Variants in PRRC2A observed in about 807,000 individuals in gnomAD.
The protein encoded by PRRC2A is protein PRRC2A.
Under a neutral mutation model 224.6 loss-of-function variants are expected in PRRC2A, and 59 were observed. The ratio of observed to expected loss-of-function variants is 0.26; its 90% confidence interval spans 0.21 to 0.33. The LOEUF (loss-of-function observed/expected upper bound fraction) is 0.33, where lower values mean the gene tolerates loss of function less well. PRRC2A is among the 10% of genes least tolerant of loss of function. PRRC2A has a pLI of 1.00. For synonymous variants in PRRC2A, 1,194 were observed against 1,109.5 expected, an observed-to-expected ratio of 1.08 and a Z score of -1.51; for missense variants, 3,095 against 2,880.7, an observed-to-expected ratio of 1.07 and a Z score of -1.70.
At chr6:31,626,935 T>C (rs751097975) in intron 10 of PRRC2A, 47 bp from the exon 11 acceptor site, 3 of 1,611,066 alleles carry the variant, frequency 1.9e-6, no homozygotes, top group South Asian at 1.1e-5. Context: ...CTTAGAGGAG[T>C]ATATTAGTTG....
Position 31,631,116 on chromosome 6 carries a change from A to G in PRRC2A, c.2466-23A>G. On this transcript the variant is annotated intron_variant, in intron 15 of 30. Coordinates refer to ENST00000376033, the MANE Select transcript of PRRC2A (RefSeq NM_004638.4). This position sits in a 1 kb window ranked among gnomAD's most constrained non-coding sequence, Gnocchi z 4.5. ...TGGTTTTCCTGAGATACTTATTTCC[A>G]TTCTTTCTGTCTGTCTCTTCAGGAG... 3 of 1,460,150 alleles carry G rather than the reference A, an allele frequency of 2.1e-6. No individual in the cohort carries two copies. Among genetic ancestry groups the G allele is most frequent in the African/African-American group, 1.4e-5 (1 of 70,396 alleles). 90.4% of individuals were successfully genotyped at this position (1,460,150 alleles called of 1,614,324 possible).
chr6:31,625,428 T>C lies in PRRC2A; in HGVS notation c.608-32T>C. Reference sequence around the variant, plus strand: ...CTGTGTTCACTTGTCCTCCAATCATTGATACCTCTCTCTACCTTTTCCAAA... The same window carrying C: ...CTGTGTTCACTTGTCCTCCAATCATCGATACCTCTCTCTACCTTTTCCAAA... On this transcript the variant is annotated intron_variant, in intron 6 of 30. Transcript: ENST00000376033. This position sits in a 1 kb window ranked among gnomAD's most constrained non-coding sequence, Gnocchi z 4.1. 3 of 1,609,542 alleles carry C rather than the reference T, an allele frequency of 1.9e-6. No individual in the cohort carries two copies. The highest frequency in any genetic ancestry group is 2.6e-6 in the Non-Finnish European group (3 of 1,175,950).
rs1226360280 is a variant in PRRC2A at position 31,632,578 on chromosome 6, C to T, written c.3905C>T (p.Ala1302Val). 2 of 1,612,786 alleles carry T rather than the reference C, an allele frequency of 1.2e-6. No homozygotes were observed. The highest frequency in any genetic ancestry group is 1.1e-5 in the South Asian group (1 of 91,062). ...TVTVAPAPRR[A>V]AAKSPDLSNQ... Reference sequence around the variant, plus strand: ...ACAGTGGCCCCAGCACCTCGCCGGGCAGCTGCCAAGTCTCCTGATCTGTCA... The same window carrying T: ...ACAGTGGCCCCAGCACCTCGCCGGGTAGCTGCCAAGTCTCCTGATCTGTCA... Residue 1302 changes from alanine (A) to valine (V), a missense_variant, in exon 16 of 31, where the codon GCA (alanine) becomes GTA (valine). Physicochemically the swap from Ala to Val is moderately conservative, Grantham distance 64. Coordinates refer to ENST00000376033, the MANE Select transcript of PRRC2A (RefSeq NM_004638.4).
At position 31,634,261 on chromosome 6, in the gene PRRC2A, C is replaced by G. The variant is rs779227676; in HGVS notation, c.4745C>G (p.Ser1582Cys). Residue 1582 changes from serine (S) to cysteine (C), a missense_variant, in exon 19 of 31, where the codon TCT becomes TGT. Coordinates refer to ENST00000376033, the MANE Select transcript of PRRC2A (RefSeq NM_004638.4). ...GAATCTTTGCCACCTCCTCATAGCT[C>G]TGGATTCTTGGGCTCTAAGCCTGAG... ...QEESLPPPHS[S>C]GFLGSKPEGP... 6.3e-7 allele frequency: 1 copy of G among 1,593,180 alleles called. No homozygotes were observed. Among genetic ancestry groups the G allele is most frequent in the East Asian group, 2.2e-5 (1 of 44,794 alleles).
rs1459707022 is a variant in PRRC2A at position 31,631,844 on chromosome 6, C to T, written c.3171C>T (p.Tyr1057=). 6.2e-7 allele frequency: 1 copy of T among 1,604,774 alleles called. No homozygotes were observed. The highest frequency in any genetic ancestry group is 8.5e-7 in the Non-Finnish European group (1 of 1,175,310). ...CCCGAAGCCGGGAATTCCGCAGTTA[C>T]CGAGAGTTTCGAGGAGATGATGGGC... ...RGARSREFRS[Y]REFRGDDGRG... The change falls in exon 16 of 31, where the codon TAC becomes TAT. Residue 1057 remains tyrosine, a synonymous_variant. Transcript: ENST00000376033. The surrounding 1 kb of genome is among the most constrained non-coding windows in gnomAD (Gnocchi z 4.5).
Position 31,625,934 on chromosome 6 carries a change from G to A in PRRC2A, c.839+63G>A. 1 of 1,586,936 alleles carries A rather than the reference G, an allele frequency of 6.3e-7. No homozygotes were observed. Among genetic ancestry groups the A allele is most frequent in the Admixed American group, 1.7e-5 (1 of 58,740 alleles). ...GGGAAGCTTATTGGGGGAGGAGATGGTTTTCTAGCCAGGAGGCTCAGTCTA... is the reference window on the plus strand; with the variant it reads ...GGGAAGCTTATTGGGGGAGGAGATGATTTTCTAGCCAGGAGGCTCAGTCTA... On this transcript the variant is annotated intron_variant, in intron 8 of 30. Coordinates refer to ENST00000376033, the MANE Select transcript of PRRC2A (RefSeq NM_004638.4). The surrounding 1 kb of genome is among the most constrained non-coding windows in gnomAD (Gnocchi z 4.1).
Position 31,630,701 on chromosome 6 carries a change from T to G in PRRC2A, c.2365T>G (p.Leu789Val). Residue 789 changes from leucine (L) to valine (V), a missense_variant, in exon 15 of 31, where the codon TTG becomes GTG. This residue lies in a region of PRRC2A where 2,001 missense variants were observed against 1,764.9 expected (regional missense o/e 1.13). Coordinates refer to ENST00000376033, the MANE Select transcript of PRRC2A (RefSeq NM_004638.4). Reference protein sequence around the residue: ...ERGTPPVDPKLAWVGDVFTAT... With the variant: ...ERGTPPVDPKVAWVGDVFTAT... ...GGGCACTCCACCGGTGGATCCAAAG[T>G]TGGCCTGGGTAGGAGATGTCTTCAC... 3 of 1,614,138 alleles carry G rather than the reference T, an allele frequency of 1.9e-6. No individual in the cohort carries two copies. Among genetic ancestry groups the G allele is most frequent in the Non-Finnish European group, 2.5e-6 (3 of 1,180,028 alleles).
In PRRC2A at chr6:31,633,864, C is replaced by A. The variant is rs764414151; in HGVS notation, c.4594C>A (p.His1532Asn). 6.4e-7 allele frequency: 1 copy of A among 1,567,556 alleles called. No individual in the cohort carries two copies. Among genetic ancestry groups the A allele is most frequent in the Admixed American group, 2.1e-5 (1 of 46,520 alleles). ...ACCCTTTTTCTCTTTCCCAGACCCC[C>A]ACTTTGAGGAGCCGGGGCCAATGGT... Reference protein sequence around the residue: ...RVNSGLSSDPHFEEPGPMVRG... With the variant: ...RVNSGLSSDPNFEEPGPMVRG... The change falls in exon 18 of 31, where the codon CAC becomes AAC. Residue 1532 changes from histidine to asparagine, a missense_variant. His to Asn is a moderately conservative substitution (Grantham distance 68). This residue lies in a region of PRRC2A where 2,001 missense variants were observed against 1,764.9 expected (regional missense o/e 1.13). Transcript: ENST00000376033.
intron 16 of PRRC2A, 48 bp downstream of exon 16, chr6:31,633,040 G>A: frequency 6.9e-7 from 1 of 1,457,688 alleles, no homozygotes; most frequent in Non-Finnish European, 9.0e-7. Context: ...TTGGAGGAGG[G>A]GGAAAAAGCC....
In PRRC2A at chr6:31,630,592, C is replaced by T; in HGVS notation, c.2256C>T (p.Gly752=). 1.2e-6 allele frequency: 2 copies of T among 1,614,084 alleles called. No homozygotes were observed. Among genetic ancestry groups the T allele is most frequent in the Admixed American group, 1.7e-5 (1 of 60,000 alleles). Residue 752 remains glycine, a splice_region_variant and synonymous_variant, in exon 15 of 31, where the codon GGC becomes GGT. Transcript: ENST00000376033. ...DFYPPGVHPS[G]LVPRERSDSG... is the part of the protein sequence containing the mutation. ...TTTCTTTTTCTTTGGTTTCTTCAGG[C>T]CTAGTTCCCCGAGAGCGTTCAGACA...
rs538804134 is a variant in PRRC2A at position 31,637,760 on chromosome 6, TAAA to T, written c.*183_*185del. 3.2e-6 allele frequency: 1 copy of T among 311,584 alleles called. No homozygotes were observed. Among genetic ancestry groups the T allele is most frequent in the African/African-American group, 2.2e-5 (1 of 44,706 alleles). The allele number at this position is 311,584 out of a possible 1,614,324, so 19.3% of individuals were successfully genotyped here. ...GTTAAAAAAGAGTAATAAAAGGATTTAAAAAAAAAAACTTCTACAATGATTTGG... is the reference window on the plus strand; with the variant it reads ...GTTAAAAAAGAGTAATAAAAGGATTTAAAAAAAACTTCTACAATGATTTGG... On this transcript the variant is annotated 3_prime_UTR_variant, in exon 31 of 31. Transcript: ENST00000376033.
rs1776783843 is a variant in PRRC2A at position 31,632,668 on chromosome 6, G to T, written c.3995G>T (p.Ser1332Ile). The change falls in exon 16 of 31, where the codon AGT becomes ATT. Residue 1332 changes from serine (S) to isoleucine (I), a missense_variant. This residue lies in a region of PRRC2A where 2,001 missense variants were observed against 1,764.9 expected (regional missense o/e 1.13). Coordinates refer to ENST00000376033, the MANE Select transcript of PRRC2A (RefSeq NM_004638.4). ...GCATCAGAGAGCAGTGACTTCACCA[G>T]TGAGCGCCGAGGGGACAAAGAGGCA... Reference protein sequence around the residue: ...ETASESSDFTSERRGDKEAPP... With the variant: ...ETASESSDFTIERRGDKEAPP... The T allele has an allele frequency of 1.2e-6, 2 of 1,613,128 alleles. No homozygotes were observed. Among genetic ancestry groups the T allele is most frequent in the East Asian group, 2.2e-5 (1 of 44,876 alleles).
rs1220433302 is a variant in PRRC2A, at chr6:31,635,688, C to G, written c.5480C>G (p.Ser1827Cys). 1 of 1,612,760 alleles carries G rather than the reference C, an allele frequency of 6.2e-7. No homozygotes were observed. Among genetic ancestry groups the G allele is most frequent in the Admixed American group, 1.7e-5 (1 of 60,004 alleles). ...GGGCACTGTGTCCCGGAGCCCAGCT[C>G]CTCAGGCCAGCGCCTGTATCCTGAG... ...DSGHCVPEPS[S>C]SGQRLYPEVF... The change falls in exon 24 of 31, where the codon TCC becomes TGC. Residue 1827 changes from serine to cysteine, a missense_variant. Transcript: ENST00000376033.
Position 31,626,089 on chromosome 6 carries a change from TC to T in PRRC2A, c.912del (p.Ser305LeufsTer266). ...PMRLVEPVGR[P>X]SILKEDNLKE... is the part of the protein sequence containing the mutation. ...TGCGCTTAGTAGAGCCTGTGGGTCG[TC>T]CCTCTATTCTCAAAGAGGATAATCT... On this transcript the variant is annotated frameshift_variant, in exon 9 of 31. Transcript: ENST00000376033. LOFTEE classifies it high-confidence loss of function. The T allele has an allele frequency of 6.2e-7, 1 of 1,612,856 alleles. No individual in the cohort carries two copies. Among genetic ancestry groups the T allele is most frequent in the Non-Finnish European group, 8.5e-7 (1 of 1,179,938 alleles).
At chr6:31,635,775 C>G (rs1019082777) in intron 24 of PRRC2A, 26 bp downstream of exon 24, 6 of 1,556,414 alleles carry the variant, frequency 3.9e-6, no homozygotes, top group Non-Finnish European at 5.2e-6. Flanking sequence ...CATTGCATGA[C>G]CCCTTCAGTG....
At position 31,635,374 on chromosome 6, in the gene PRRC2A, C is replaced by T. The variant is rs2150533758; in HGVS notation, c.5302-20C>T. ...CATGTCTGTCACGGGACAATGTCTC[C>T]TGCCTTCTTGTGATCACAGGACTCA... On this transcript the variant is annotated intron_variant, in intron 22 of 30. Coordinates refer to ENST00000376033, the MANE Select transcript of PRRC2A (RefSeq NM_004638.4). 1 of 1,614,206 alleles carries T rather than the reference C, an allele frequency of 6.2e-7. No individual in the cohort carries two copies. The highest frequency in any genetic ancestry group is 8.5e-7 in the Non-Finnish European group (1 of 1,180,004).
At chr6:31,634,109 A>C in intron 18 of PRRC2A, 120 bp downstream of exon 18, 1 of 1,568,488 alleles carries the variant, frequency 6.4e-7, no homozygotes, top group Non-Finnish European at 8.6e-7. Context: ...CAGAATTCTC[A>C]GTATTAGTCT....
chr6:31,623,609 T>C (rs776015612), intron 2 of PRRC2A, 123 bp from the exon 3 acceptor site: 5 of 1,131,650 alleles, frequency 4.4e-6, no homozygotes, highest in Non-Finnish European at 6.2e-6. Flanking sequence ...GAATCCCTTC[T>C]AAGAGAAGTT....
chr6:31,623,009 C>G, intron 2 of PRRC2A, 108 bp downstream of exon 2: 2 of 997,206 alleles, frequency 2.0e-6, no homozygotes, highest in Non-Finnish European at 3.2e-6. Context: ...TACCAAAAGA[C>G]TAGAGGAGAT....
Sources: allele counts gnomAD v4.1 joint callset, GRCh38; gene constraint gnomAD v4.1.1; regional missense constraint gnomAD v4.1.1; non-coding constraint Gnocchi (gnomAD v3.1); transcripts MANE v1.5; gene names NCBI Gene and HGNC (gene_info 2026-07-23, HGNC 2026-07-21).